The following DOCK6 variants were observed in gnomAD, a reference collection of about 807,000 sequenced individuals.
DOCK6 encodes the protein dedicator of cytokinesis 6.
DOCK6 carries 167 observed loss-of-function variants against 230.3 expected under a neutral mutation model. The observed-to-expected ratio is 0.73, with a 90% CI of 0.64 to 0.82. The LOEUF is 0.82. Among genes scored for constraint, DOCK6 ranks in the 40% least tolerant of loss-of-function variants. The pLI is 0.00. For synonymous variants in DOCK6, 1,148 were observed against 1,185.0 expected (o/e 0.97, Z 0.64); for missense variants, 2,598 against 2,825.8 (o/e 0.92, Z 1.83).
rs761522687 is a variant in DOCK6, at chr19:11,216,996, C to T, written c.3812G>A (p.Arg1271His). 7.1e-5 allele frequency: 114 copies of T among 1,613,544 alleles called. No individual in the cohort carries two copies. The highest frequency in any genetic ancestry group is 1.3e-4 in the Admixed American group (8 of 59,998). The change falls in exon 30 of 48, where the codon CGC becomes CAC. Residue 1271 changes from arginine to histidine, a missense_variant. Coordinates refer to ENST00000294618, the MANE Select transcript of DOCK6 (RefSeq NM_020812.4). ...LKNTEPALLQRWATDLTLPQL... is the reference protein window; with the variant it reads ...LKNTEPALLQHWATDLTLPQL... The stretch of plus-strand genomic sequence containing the variant: ...GGGGAGTGTCAGGTCAGTGGCCCAG[C>T]GCTGCAGGAGCGCCGGCTCGGTGTT...
chr19:11,248,975 G>T (rs1010824688), intron 6 of DOCK6, among the ~76,000 whole-genome samples: 5 of 152,168 alleles, frequency 3.3e-5, no homozygotes, highest in African/African-American at 1.2e-4. Flanking sequence ...CACCCAGTAA[G>T]TACTGATTGA....
Position 11,200,205 on chromosome 19 carries a change from C to A in DOCK6, c.6101+103G>T. ...AAACAAAGTCCAAGCTACCAGCAAA[C>A]ATGTTGCTGTGTATGTGTACAACAG... is the stretch of plus-strand genomic sequence containing the variant. On this transcript the variant is annotated intron_variant, in intron 47 of 47. Transcript: ENST00000294618. The surrounding 1 kb of genome is among the most constrained non-coding windows in gnomAD (Gnocchi z 4.3). The A allele has an allele frequency of 2.8e-5, 33 of 1,161,118 alleles. No individual in the cohort carries two copies. The highest frequency in any genetic ancestry group is 3.7e-5 in the South Asian group (2 of 54,668). 71.9% of individuals were successfully genotyped at this position (1,161,118 alleles called of 1,614,324 possible).
At chr19:11,237,213 C>T (rs1176724565) in intron 18 of DOCK6, 8 of 603,252 alleles carry the variant, frequency 1.3e-5, no homozygotes, top group Non-Finnish European at 2.4e-5. Flanking sequence ...GGGCAGGGGA[C>T]AGTGATCAGG....
rs2079798361 is a variant in DOCK6, at chr19:11,233,334, G to T, written c.2587C>A (p.Leu863Met). The change falls in exon 22 of 48, where the codon CTG becomes ATG. Residue 863 changes from leucine (L) to methionine (M), a missense_variant. Transcript: ENST00000294618. ...GCGGGGCGACCAGAGCCACGGGCCA[G>T]TGTGGCAGCCTGCACTGTCACTGGA... ...APPVTVQAAT[L>M]ARGSGRPASL... The T allele has an allele frequency of 6.2e-7, 1 of 1,613,770 alleles. No individual in the cohort carries two copies. Among genetic ancestry groups the T allele is most frequent in the African/African-American group, 1.3e-5 (1 of 74,922 alleles).
rs778281015 is a variant in DOCK6 at position 11,221,868 on chromosome 19, C to T, written c.3533G>A (p.Arg1178Gln). ...LLSIARDTLP[R>Q]LHDFAEGPGQ... is the part of the protein sequence containing the mutation. Reference sequence around the variant, plus strand: ...CCACTGACCAGCAAAGTCATGCAGCCGTGGCAAGGTATCCCGTGCAATCGA... The same window carrying T: ...CCACTGACCAGCAAAGTCATGCAGCTGTGGCAAGGTATCCCGTGCAATCGA... Residue 1178 changes from arginine (R) to glutamine (Q), a missense_variant, in exon 28 of 48, where the codon CGG becomes CAG. Arg to Gln is a conservative substitution (Grantham distance 43). Transcript: ENST00000294618. The T allele has an allele frequency of 1.5e-5, 24 of 1,613,652 alleles. No homozygotes were observed. The highest frequency in any genetic ancestry group is 1.2e-4 in the African/African-American group (9 of 74,944).
chr19:11,226,320 A>C (rs1025879507), intron 24 of DOCK6, among the ~76,000 whole-genome samples: 1 of 152,162 alleles, frequency 6.6e-6, no homozygotes, highest in African/African-American at 2.4e-5. Flanking sequence ...AGTAAAATGG[A>C]GATAACAATA....
chr19:11,214,777 G>GT (rs902045600), intron 32 of DOCK6, 128 bp from the exon 33 acceptor site: 230 of 800,822 alleles, frequency 2.9e-4, no homozygotes, highest in Admixed American at 6.1e-4. Context: ...TTTTGTTTTT[G>GT]TTTTTTTTGT....
chr19:11,216,019 A>C (rs1600875055), intron 30 of DOCK6, 92 bp from the exon 31 acceptor site: 7 of 1,507,346 alleles, frequency 4.6e-6, no homozygotes, highest in South Asian at 1.2e-5. Context: ...GCTCTTTCTC[A>C]CCTCCGGGCC....
Position 11,214,273 on chromosome 19 carries a change from A to C in DOCK6, c.4338+2T>G. 6.2e-7 allele frequency: 1 copy of C among 1,607,710 alleles called. No homozygotes were observed. Among genetic ancestry groups the C allele is most frequent in the South Asian group, 1.1e-5 (1 of 90,470 alleles). On this transcript the variant is annotated splice_donor_variant, in intron 34 of 47. Transcript: ENST00000294618. LOFTEE classifies it high-confidence loss of function. ...GAATCATGGTTGTTGAGTGGTGCTC[A>C]CCTTGGACACAAGGGCCCTCTGGGT...
Position 11,238,066 on chromosome 19 carries a change from G to C in DOCK6, c.1811C>G (p.Thr604Arg). ...ATACTTGTTATGGTAGACCACCGGT[G>C]TGAAGGCCTCGCGGGTAAATTCACT... ...SCSEFTREAF[T>R]PVVYHNKSPE... is the part of the protein sequence containing the mutation. Residue 604 changes from threonine to arginine, a missense_variant, in exon 16 of 48, where the codon ACA becomes AGA. By Grantham distance (71) the Thr-to-Arg change is moderately conservative. Coordinates refer to ENST00000294618, the MANE Select transcript of DOCK6 (RefSeq NM_020812.4). 6.2e-7 allele frequency: 1 copy of C among 1,613,900 alleles called. No individual in the cohort carries two copies. The highest frequency in any genetic ancestry group is 8.5e-7 in the Non-Finnish European group (1 of 1,179,854).
chr19:11,253,929 G>A (rs988682346), intron 1 of DOCK6: 1 of 478,212 alleles, frequency 2.1e-6, no homozygotes, highest in Non-Finnish European at 3.6e-6. Context: ...CAGGAGATGA[G>A]AATGCTGCCA....
intron 21 of DOCK6, among the ~76,000 whole-genome samples, chr19:11,233,653 G>T (rs183634760): frequency 6.6e-6 from 1 of 152,152 alleles, no homozygotes; most frequent in African/African-American, 2.4e-5. Flanking sequence ...AGCCAACATA[G>T]CGAGACTCTG....
chr19:11,206,448 T>G (rs1193616648), intron 39 of DOCK6: 1 of 151,466 alleles, frequency 6.6e-6, no homozygotes, highest in Non-Finnish European at 1.5e-5. Flanking sequence ...TGCGCACTTA[T>G]AGTCCCAGCT....
In DOCK6 at chr19:11,202,194, A is replaced by G. The variant is rs1014600937; in HGVS notation, c.5452-69T>C. ...CACAGCCCAAGCCCTGTTCCTGGAG[A>G]GAGGGGATCTGGGGACTTTGTCATT... On this transcript the variant is annotated intron_variant, in intron 43 of 47. Transcript: ENST00000294618. The surrounding 1 kb of genome is among the most constrained non-coding windows in gnomAD (Gnocchi z 5.3). The G allele has an allele frequency of 2.6e-6, 4 of 1,525,380 alleles. No individual in the cohort carries two copies. The highest frequency in any genetic ancestry group is 3.5e-5 in the Admixed American group (2 of 56,600). 94.5% of individuals were successfully genotyped at this position (1,525,380 alleles called of 1,614,324 possible).
rs2147853337 is a variant in DOCK6, at chr19:11,243,612, C to G, written c.1203G>C (p.Leu401Phe). 1 of 1,611,576 alleles carries G rather than the reference C, an allele frequency of 6.2e-7. No homozygotes were observed. The highest frequency in any genetic ancestry group is 1.3e-5 in the African/African-American group (1 of 75,024). The change falls in exon 11 of 48, where the codon TTG becomes TTC. Residue 401 changes from leucine to phenylalanine, a missense_variant. Leu to Phe is a conservative substitution (Grantham distance 22). Coordinates refer to ENST00000294618, the MANE Select transcript of DOCK6 (RefSeq NM_020812.4). This position sits in a 1 kb window ranked among gnomAD's most constrained non-coding sequence, Gnocchi z 6.3. Reference sequence around the variant, plus strand: ...GCCCAGCGCTGCTCACGATGTTGGCCAAGTGCACGGCCGTCCAGGCGAAGG... The same window carrying G: ...GCCCAGCGCTGCTCACGATGTTGGCGAAGTGCACGGCCGTCCAGGCGAAGG... ...RMPFAWTAVH[L>F]ANIVSSAGQL...
intron 31 of DOCK6, 128 bp downstream of exon 31, chr19:11,215,673 T>G: frequency 6.7e-7 from 1 of 1,499,908 alleles, no homozygotes; most frequent in African/African-American, 1.4e-5. Flanking sequence ...CGGTGATGAT[T>G]TGTGGACTTC....
At chr19:11,242,235 T>C in intron 13 of DOCK6, 28 bp from the exon 14 acceptor site, 1 of 1,428,320 alleles carries the variant, frequency 7.0e-7, no homozygotes, top group Non-Finnish European at 9.2e-7. Context: ...GGTTTGCACC[T>C]GCCTGGGAGC....
rs780230347 is a variant in DOCK6, at chr19:11,252,119, C to T, written c.507G>A (p.Ser169=). 1.8e-5 allele frequency: 29 copies of T among 1,588,286 alleles called. 1 individual carries two copies. Among genetic ancestry groups the T allele is most frequent in the South Asian group, 5.8e-5 (5 of 86,804 alleles). Residue 169 remains serine, a splice_region_variant and synonymous_variant, in exon 5 of 48, where the codon TCG becomes TCA. Coordinates refer to ENST00000294618, the MANE Select transcript of DOCK6 (RefSeq NM_020812.4). The stretch of plus-strand genomic sequence containing the variant: ...TGACCCCAGCCAGGGGCTTCCTCAC[C>T]GAGTCCTCAGGGCCGGACCTCTCGT... The part of the protein sequence containing the change: ...SGDERSGPED[S]NDSRRGSGSP...
chr19:11,235,636 GCGTAGTGGA>G lies in DOCK6; in HGVS notation c.2507_2515del (p.Val836_Tyr838del). ...GGGCTCAGTGCCAGGAAGGCGAAAG[GCGTAGTGGA>G]CGTAGGCAGCCAGCTGTGGGCAGTG... On this transcript the variant is annotated inframe_deletion, in exon 21 of 48. Coordinates refer to ENST00000294618, the MANE Select transcript of DOCK6 (RefSeq NM_020812.4). 1 of 1,604,382 alleles carries G rather than the reference GCGTAGTGGA, an allele frequency of 6.2e-7. No individual in the cohort carries two copies. The highest frequency in any genetic ancestry group is 1.1e-5 in the South Asian group (1 of 88,968).
Sources: gnomAD v4.1 joint callset for allele counts (sites outside exome capture counted in the v4.1 genomes callset) on GRCh38, gnomAD v4.1.1 for gene constraint, Gnocchi (gnomAD v3.1) non-coding constraint, MANE v1.5 for transcripts, NCBI Gene and HGNC (gene_info 2026-07-23, HGNC 2026-07-21) for gene names.